CACNB2: variants seen among roughly 807,000 people sequenced by gnomAD.
CACNB2 encodes calcium voltage-gated channel auxiliary subunit beta 2, also known as voltage-dependent L-type calcium channel subunit beta-2.
In CACNB2, 42 loss-of-function variants were observed where a neutral mutation model predicts 73.3. That is an observed-to-expected ratio of 0.57 (90% confidence interval 0.45 to 0.74). The LOEUF is 0.74. CACNB2 is among the 30% of genes least tolerant of loss of function. The probability of loss-of-function intolerance (pLI) is 0.00; values close to 1 mark genes in which losing one functional copy is unlikely to be tolerated. For synonymous variants in CACNB2, 348 were observed against 310.3 expected (o/e 1.12, Z -1.28); for missense variants, 940 against 853.0 (o/e 1.10, Z -1.27).
At chr10:18,366,141 A>G (rs2042336903) in intron 2 of CACNB2, among the ~76,000 whole-genome samples, 1 of 152,148 alleles carries the variant, frequency 6.6e-6, no homozygotes, top group South Asian at 2.1e-4. Flanking sequence ...TTCCACATCT[A>G]GGTCTGGGTC....
At chr10:18,171,786 G>A (rs766782190) in intron 2 of CACNB2, among the ~76,000 whole-genome samples, 58 of 151,960 alleles carry the variant, frequency 3.8e-4, no homozygotes, top group Admixed American at 1.2e-3. Flanking sequence ...ATTGTTACCC[G>A]GAGAAGTCAA....
At position 18,439,919 on chromosome 10, in the gene CACNB2, A is replaced by C. The variant is rs1012813818; in HGVS notation, c.333+37876A>C. 5.9e-5 allele frequency among the ~76,000 whole-genome samples: 9 copies of C among 152,310 alleles called. No homozygotes were observed. In the East Asian group the frequency reaches 1.7e-3, roughly 29 times the overall value. Reference sequence around the variant, plus strand: ...GCTCGGAGAAATAGGCCACATGCAAATATATATGTAGATAATGTGTTGTAG... The same window carrying C: ...GCTCGGAGAAATAGGCCACATGCAACTATATATGTAGATAATGTGTTGTAG... On this transcript the variant is annotated intron_variant, in intron 3 of 13. Transcript: ENST00000324631.
intron 2 of CACNB2, among the ~76,000 whole-genome samples, chr10:18,307,107 A>G (rs570339967): frequency 6.6e-6 from 1 of 152,130 alleles, no homozygotes; most frequent in African/African-American, 2.4e-5. Flanking sequence ...AGAAAAAAAA[A>G]ATAAGCTAGG....
chr10:18,480,600 C>T (rs192503544), intron 3 of CACNB2, among the ~76,000 whole-genome samples: 8 of 152,174 alleles, frequency 5.3e-5, no homozygotes, highest in Non-Finnish European at 1.2e-4. Context: ...TAATGAATTA[C>T]AAAAGAAATG....
intron 2 of CACNB2, among the ~76,000 whole-genome samples, chr10:18,378,266 C>T (rs2042881904): frequency 6.6e-6 from 1 of 152,132 alleles, no homozygotes; most frequent in Non-Finnish European, 1.5e-5. Context: ...GGTGATATGT[C>T]AACATTTTCA....
intron 2 of CACNB2, among the ~76,000 whole-genome samples, chr10:18,164,655 A>C (rs1411249846): frequency 6.6e-6 from 1 of 151,968 alleles, no homozygotes; most frequent in African/African-American, 2.4e-5. Flanking sequence ...TAAACTGTAT[A>C]ATAATGATGG....
chr10:18,398,355 A>G lies in CACNB2; in HGVS notation c.214-3569A>G, dbSNP rs549082176. Among the ~76,000 whole-genome samples the G allele has an allele frequency of 3.3e-5, 5 of 152,172 alleles. No individual in the cohort carries two copies. The South Asian group carries it at 1.0e-3, about 32-fold the overall frequency. ...GTGTGTCTTTCAATGCTGGGTGCAT[A>G]TAACTTCTATAACGAAAAATATTTT... On this transcript the variant is annotated intron_variant, in intron 2 of 13. Coordinates refer to ENST00000324631, the MANE Select transcript of CACNB2 (RefSeq NM_201596.3).
chr10:18,199,659 T>A (rs547299717), intron 2 of CACNB2, among the ~76,000 whole-genome samples: 3 of 152,298 alleles, frequency 2.0e-5, no homozygotes, highest in East Asian at 3.9e-4. Flanking sequence ...TAATTCTAAG[T>A]GAAATGAATG....
At position 18,429,680 on chromosome 10, in the gene CACNB2, AAC is replaced by A. The variant is rs199837260; in HGVS notation, c.333+27638_333+27639del. 2.9e-4 allele frequency among the ~76,000 whole-genome samples: 41 copies of A among 139,566 alleles called. 3 individuals carry two copies. Among genetic ancestry groups the A allele is most frequent in the Middle Eastern group, 3.8e-3 (1 of 264 alleles). The allele number at this position is 139,566 out of a possible 152,430, so 91.6% of individuals were successfully genotyped here. ...CGTCTCTACCAAAAAAAAAAAAAAAAACCAAATTAACCAAGAATGATGTTGTA... is the reference window on the plus strand; with the variant it reads ...CGTCTCTACCAAAAAAAAAAAAAAAACAAATTAACCAAGAATGATGTTGTA... On this transcript the variant is annotated intron_variant, in intron 3 of 13. Coordinates refer to ENST00000324631, the MANE Select transcript of CACNB2 (RefSeq NM_201596.3).
chr10:18,148,505 G>T (rs533204123), intron 1 of CACNB2, among the ~76,000 whole-genome samples: 1 of 152,158 alleles, frequency 6.6e-6, no homozygotes, highest in African/African-American at 2.4e-5. Context: ...TCAACTTCTT[G>T]CAGAGAACAG....
chr10:18,250,731 T>A (rs572487038), intron 2 of CACNB2, among the ~76,000 whole-genome samples: 18 of 152,356 alleles, frequency 1.2e-4, no homozygotes, highest in African/African-American at 4.3e-4. Flanking sequence ...AGATCCATCT[T>A]TGGCTTCCTC....
intron 2 of CACNB2, among the ~76,000 whole-genome samples, chr10:18,288,705 A>ACACACACACACACACACG (rs2038914072): frequency 1.3e-5 from 2 of 148,968 alleles, no homozygotes; most frequent in African/African-American, 4.9e-5. Flanking sequence ...ACACACACAC[A>ACACACACACACACACACG]GAGATACCCA....
intron 2 of CACNB2, among the ~76,000 whole-genome samples, chr10:18,383,850 C>T (rs1175283817): frequency 2.6e-5 from 4 of 152,084 alleles, no homozygotes; most frequent in Non-Finnish European, 4.4e-5. Flanking sequence ...GGATTACAGG[C>T]ACACACCACC....
chr10:18,287,533 G>C (rs982300941), intron 2 of CACNB2, among the ~76,000 whole-genome samples: 1 of 151,590 alleles, frequency 6.6e-6, no homozygotes, highest in Admixed American at 6.6e-5. Flanking sequence ...GAAATTTACT[G>C]TCTCACAGCT....
At chr10:18,323,857 C>T (rs1216145917) in intron 2 of CACNB2, among the ~76,000 whole-genome samples, 1 of 152,176 alleles carries the variant, frequency 6.6e-6, no homozygotes, top group Non-Finnish European at 1.5e-5. Context: ...ATGTTTTAAA[C>T]TGTTACAATA....
At chr10:18,332,697 A>C (rs1456111754) in intron 2 of CACNB2, among the ~76,000 whole-genome samples, 3 of 152,072 alleles carry the variant, frequency 2.0e-5, no homozygotes, top group Non-Finnish European at 4.4e-5. Flanking sequence ...CAAAAATAGC[A>C]CTTTATGTAA....
intron 3 of CACNB2, among the ~76,000 whole-genome samples, chr10:18,464,495 A>G (rs554748409): frequency 4.0e-5 from 6 of 150,444 alleles, no homozygotes; most frequent in Admixed American, 6.7e-5. Context: ...TTTATTTCCA[A>G]GCTTCCCCAC....
At chr10:18,411,188 T>C (rs1394771544) in intron 3 of CACNB2, among the ~76,000 whole-genome samples, 2 of 152,190 alleles carry the variant, frequency 1.3e-5, no homozygotes, top group Non-Finnish European at 2.9e-5. Context: ...GCTGAATATG[T>C]CTAATTTCTA....
At chr10:18,262,994 C>T (rs549107104) in intron 2 of CACNB2, among the ~76,000 whole-genome samples, 1 of 152,046 alleles carries the variant, frequency 6.6e-6, no homozygotes, top group Non-Finnish European at 1.5e-5. Flanking sequence ...GAATAAAGTA[C>T]CACAAAATAT....
Sources: gnomAD v4.1 joint callset for allele counts (sites outside exome capture counted in the v4.1 genomes callset) on GRCh38, gnomAD v4.1.1 for gene constraint, MANE v1.5 for transcripts, NCBI Gene and HGNC (gene_info 2026-07-23, HGNC 2026-07-21) for gene names.